Variants in PRKAR1A observed in about 807,000 individuals in gnomAD.
PRKAR1A encodes cAMP-dependent protein kinase type I-alpha regulatory subunit.
Under a neutral mutation model 52.0 loss-of-function variants are expected in PRKAR1A, and 3 were observed. That is an observed-to-expected ratio of 0.06 (90% confidence interval 0.03 to 0.15). The LOEUF (loss-of-function observed/expected upper bound fraction) is 0.15. Ranked by LOEUF, PRKAR1A falls within the 10% of genes least tolerant of loss-of-function variation. The probability of loss-of-function intolerance (pLI) is 1.00; values close to 1 mark genes in which losing one functional copy is unlikely to be tolerated. For missense variants in PRKAR1A, 240 were observed against 477.4 expected, an observed-to-expected ratio of 0.50 and a Z score of 4.63; for synonymous variants, 188 against 168.4, an observed-to-expected ratio of 1.12 and a Z score of -0.90.
At chr17:68,431,671 G>A in the PRKAR1A span, among the ~76,000 whole-genome samples, 1 of 15,080 alleles carries the variant, frequency 6.6e-5, no homozygotes. Flanking sequence ...GGACCAGCAC[G>A]AGGTGCTAAA....
upstream of PRKAR1A, among the ~76,000 whole-genome samples, chr17:68,508,160 C>A (rs1046807607): frequency 4.6e-5 from 7 of 152,156 alleles, no homozygotes; most frequent in African/African-American, 1.7e-4. Context: ...AGGCTGCTGA[C>A]CTGCCCTGCA....
chr17:68,449,539 T>C, the PRKAR1A span, among the ~76,000 whole-genome samples: 2 of 152,252 alleles, frequency 1.3e-5, no homozygotes, highest in Non-Finnish European at 2.9e-5. Context: ...AGAGTTCTTA[T>C]GAATGGTTTA....
the PRKAR1A span, chr17:68,453,004 A>G: frequency 9.6e-5 from 154 of 1,605,286 alleles, no homozygotes; most frequent in Non-Finnish European, 1.3e-4. Context: ...TGTGGAGGAT[A>G]ATGACAGCAT....
At chr17:68,421,454 G>A in the PRKAR1A span, 39 of 329,942 alleles carry the variant, frequency 1.2e-4, no homozygotes, top group Middle Eastern at 9.0e-4. Flanking sequence ...TTTTTTACAC[G>A]GCATATATTT....
At chr17:68,527,205 G>C (rs2085819206) in intron 7 of PRKAR1A, among the ~76,000 whole-genome samples, 1 of 152,206 alleles carries the variant, frequency 6.6e-6, no homozygotes, top group Non-Finnish European at 1.5e-5. Context: ...TGGCTTTGTG[G>C]ACAGGAATTA....
At chr17:68,437,485 T>G in the PRKAR1A span, among the ~76,000 whole-genome samples, 1 of 150,106 alleles carries the variant, frequency 6.7e-6, no homozygotes, top group Non-Finnish European at 1.5e-5. Flanking sequence ...AACCTGGAGG[T>G]GGAGGCTGCA....
At chr17:68,429,029 C>G in the PRKAR1A span, 1 of 923,078 alleles carries the variant, frequency 1.1e-6, no homozygotes, top group Non-Finnish European at 1.7e-6. Flanking sequence ...CTAGCTGTCA[C>G]CAGATTCTGC....
chr17:68,423,937 C>T, the PRKAR1A span, among the ~76,000 whole-genome samples: 4 of 152,266 alleles, frequency 2.6e-5, no homozygotes, highest in East Asian at 3.9e-4. This position sits in a 1 kb window ranked among gnomAD's most constrained non-coding sequence, Gnocchi z 4.4. Context: ...ATTAGTGAAA[C>T]GGAACCTAGT....
chr17:68,437,022 G>A, the PRKAR1A span, among the ~76,000 whole-genome samples: 6 of 140,240 alleles, frequency 4.3e-5, no homozygotes, highest in African/African-American at 1.5e-4. Context: ...ATATATGTGT[G>A]TGTGTGTGTG....
chr17:68,428,644 C>T, the PRKAR1A span: 1 of 562,812 alleles, frequency 1.8e-6, no homozygotes, highest in South Asian at 2.0e-5. Flanking sequence ...CAGATGATTA[C>T]CACATGCTGA....
rs796299481 is a variant in PRKAR1A, at chr17:68,532,880, C to T, written c.*2431C>T. Reference sequence around the variant, plus strand: ...AAAGGGGGAAAGTGAATTATGGGATCGGTGTTTTGAAAGAGCAATGTTTAT... The same window carrying T: ...AAAGGGGGAAAGTGAATTATGGGATTGGTGTTTTGAAAGAGCAATGTTTAT... On this transcript the variant is annotated 3_prime_UTR_variant, in exon 11 of 11. Transcript: ENST00000589228. 15 of 1,066,030 alleles carry T rather than the reference C, an allele frequency of 1.4e-5. No individual in the cohort carries two copies. The South Asian group carries it at 1.8e-4, about 13-fold the overall frequency. 66.0% of individuals were successfully genotyped at this position (1,066,030 alleles called of 1,614,324 possible). A position where few individuals can be genotyped will look rare whatever the true frequency, so the allele number is the denominator to read the frequency against.
At chr17:68,521,721 A>G in intron 2 of PRKAR1A, among the ~76,000 whole-genome samples, 1 of 152,250 alleles carries the variant, frequency 6.6e-6, no homozygotes, top group Non-Finnish European at 1.5e-5. Context: ...GGGCATAATA[A>G]TGAAAGGTCT....
At chr17:68,435,179 C>T in the PRKAR1A span, among the ~76,000 whole-genome samples, 1 of 150,418 alleles carries the variant, frequency 6.6e-6, no homozygotes, top group Admixed American at 6.7e-5. Context: ...TGCACTCCAG[C>T]CTGGGCGACA....
chr17:68,489,208 A>AG, the PRKAR1A span, among the ~76,000 whole-genome samples: 227 of 51,344 alleles, frequency 4.4e-3, 33 homozygotes, highest in East Asian at 0.011. Context: ...ATATATATAT[A>AG]TATATATATA....
At chr17:68,431,257 A>G in the PRKAR1A span, among the ~76,000 whole-genome samples, 2 of 152,188 alleles carry the variant, frequency 1.3e-5, no homozygotes, top group African/African-American at 4.8e-5. Flanking sequence ...GGAGAGGCGG[A>G]TGAGGTTCCT....
At chr17:68,488,493 C>T in the PRKAR1A span, among the ~76,000 whole-genome samples, 1 of 151,816 alleles carries the variant, frequency 6.6e-6, no homozygotes, top group African/African-American at 2.4e-5. Flanking sequence ...TTTGGGAGGC[C>T]GAGGTGGGAG....
At chr17:68,550,505 C>T (rs371707152) in intron 11 of PRKAR1A, among the ~76,000 whole-genome samples, 21 of 151,002 alleles carry the variant, frequency 1.4e-4, no homozygotes, top group Non-Finnish European at 2.7e-4. Flanking sequence ...CTCAGCCTCT[C>T]GAGTAGCTGG....
chr17:68,459,394 T>G, the PRKAR1A span, among the ~76,000 whole-genome samples: 1 of 152,244 alleles, frequency 6.6e-6, no homozygotes, highest in Non-Finnish European at 1.5e-5. Context: ...AGTTTGTTAT[T>G]AAGAGTTTGG....
chr17:68,419,840 C>T, the PRKAR1A span, among the ~76,000 whole-genome samples: 30 of 151,588 alleles, frequency 2.0e-4, no homozygotes, highest in Non-Finnish European at 5.9e-5. Flanking sequence ...TGCCTGTAGC[C>T]CCATCTACTT....
Sources: gnomAD v4.1 joint callset for allele counts (sites outside exome capture counted in the v4.1 genomes callset) on GRCh38, gnomAD v4.1.1 for gene constraint, Gnocchi (gnomAD v3.1) non-coding constraint, MANE v1.5 for transcripts, NCBI Gene and HGNC (gene_info 2026-07-23, HGNC 2026-07-21) for gene names.